The following ADAM22 variants were observed in gnomAD, a reference collection of about 807,000 sequenced individuals.
ADAM22 encodes the protein disintegrin and metalloproteinase domain-containing protein 22.
Under a neutral mutation model 144.6 loss-of-function variants are expected in ADAM22, and 65 were observed. The ratio of observed to expected loss-of-function variants is 0.45; its 90% CI spans 0.37 to 0.55. The LOEUF is 0.55. ADAM22 is among the 20% of genes least tolerant of loss of function. The pLI is 0.00. For missense variants in ADAM22, 974 were observed against 1,184.9 expected (o/e 0.82, Z 2.61); for synonymous variants, 391 against 412.6 (o/e 0.95, Z 0.63).
At chr7:88,044,308 CT>C (rs1803947360) in intron 3 of ADAM22, among the ~76,000 whole-genome samples, 1 of 152,114 alleles carries the variant, frequency 6.6e-6, no homozygotes, top group South Asian at 2.1e-4. Context: ...ATGATGATGT[CT>C]TTAGAGTGCT....
intron 21 of ADAM22, among the ~76,000 whole-genome samples, chr7:88,153,996 T>C (rs1163523761): frequency 6.6e-6 from 1 of 152,212 alleles, no homozygotes; most frequent in East Asian, 1.9e-4. Flanking sequence ...ACATGACTAA[T>C]TAATAGTGAG....
At chr7:88,065,404 T>A (rs2129477603) in intron 3 of ADAM22, among the ~76,000 whole-genome samples, 1 of 152,178 alleles carries the variant, frequency 6.6e-6, no homozygotes, top group South Asian at 2.1e-4. Flanking sequence ...TAACATTGGG[T>A]GATGCTTTTC....
chr7:88,155,851 T>G (rs554489922), intron 21 of ADAM22, 36 bp from the exon 22 acceptor site: 38 of 1,606,168 alleles, frequency 2.4e-5, no homozygotes, highest in Admixed American at 3.4e-5. Flanking sequence ...TGCTATATAT[T>G]TGGGAAAAGA....
intron 2 of ADAM22, among the ~76,000 whole-genome samples, chr7:87,976,691 A>C (rs1310028298): frequency 6.6e-6 from 1 of 152,182 alleles, no homozygotes; most frequent in Non-Finnish European, 1.5e-5. Context: ...GGTCTCAGCA[A>C]AATTAATGAA....
At chr7:88,187,077 G>C (rs147011350) in intron 30 of ADAM22, among the ~76,000 whole-genome samples, 4 of 152,288 alleles carry the variant, frequency 2.6e-5, no homozygotes, top group African/African-American at 9.6e-5. Context: ...GTTTCATAAT[G>C]CATTTTTCCT....
chr7:88,175,994 A>T (rs563957221), intron 26 of ADAM22, among the ~76,000 whole-genome samples: 1 of 152,258 alleles, frequency 6.6e-6, no homozygotes, highest in South Asian at 2.1e-4. Context: ...TTTTTTTGAG[A>T]TGGAGTTTCG....
chr7:88,137,582 A>G (rs943609471), intron 14 of ADAM22, among the ~76,000 whole-genome samples: 7 of 152,048 alleles, frequency 4.6e-5, no homozygotes, highest in Admixed American at 1.3e-4. Flanking sequence ...TTTTTTCTCT[A>G]TCTAACCAGA....
At chr7:88,158,102 C>G (rs1378870809) in intron 22 of ADAM22, among the ~76,000 whole-genome samples, 4 of 151,980 alleles carry the variant, frequency 2.6e-5, no homozygotes, top group African/African-American at 9.7e-5. Context: ...GGGTTGCAAT[C>G]CTAATTTCAG....
At chr7:87,940,155 C>T (rs923178309) in intron 2 of ADAM22, among the ~76,000 whole-genome samples, 3 of 141,208 alleles carry the variant, frequency 2.1e-5, no homozygotes, top group African/African-American at 8.0e-5. Flanking sequence ...GCACTCCAGC[C>T]TGGGCGACAG....
chr7:88,142,162 T>G (rs1834880079), intron 14 of ADAM22, among the ~76,000 whole-genome samples: 1 of 152,190 alleles, frequency 6.6e-6, no homozygotes, highest in Non-Finnish European at 1.5e-5. Flanking sequence ...TACTTTGCAT[T>G]TTCTACAAAG....
chr7:88,092,008 T>C (rs1364466113), intron 4 of ADAM22, among the ~76,000 whole-genome samples: 2 of 152,058 alleles, frequency 1.3e-5, no homozygotes, highest in Non-Finnish European at 2.9e-5. Context: ...TAGTCCTTCT[T>C]TGTTCTTCAT....
Position 88,134,313 on chromosome 7 carries a change from T to C in ADAM22, c.1078-16T>C. ...TTTGGATTTACATATATTTTATTTT[T>C]GTTTTTGTTTTTCAGTTTGGGAAAA... is the stretch of plus-strand genomic sequence containing the variant. On this transcript the variant is annotated splice_polypyrimidine_tract_variant and intron_variant, in intron 12 of 31. Transcript: ENST00000413139. 1.3e-6 allele frequency: 2 copies of C among 1,581,122 alleles called. No individual in the cohort carries two copies. The highest frequency in any genetic ancestry group is 1.7e-6 in the Non-Finnish European group (2 of 1,160,686).
At chr7:88,195,739 G>A (rs1850553945) in intron 31 of ADAM22, among the ~76,000 whole-genome samples, 2 of 151,842 alleles carry the variant, frequency 1.3e-5, no homozygotes, top group Admixed American at 1.3e-4. Flanking sequence ...GGATGGTCTC[G>A]ATCTCCTGAC....
intron 3 of ADAM22, among the ~76,000 whole-genome samples, chr7:88,071,391 ATTTT>A (rs71297113): frequency 1.6e-5 from 2 of 126,050 alleles, no homozygotes; most frequent in South Asian, 2.6e-4. Context: ...TTATGAAGTG[ATTTT>A]TTTTTTTTTT....
At chr7:87,974,037 T>C (rs923625061) in intron 2 of ADAM22, among the ~76,000 whole-genome samples, 10 of 150,798 alleles carry the variant, frequency 6.6e-5, no homozygotes, top group South Asian at 4.2e-4. Flanking sequence ...TGTATACATA[T>C]GTAACAAAGC....
chr7:88,053,586 AGG>A (rs1491422448), intron 3 of ADAM22, among the ~76,000 whole-genome samples: 1 of 125,236 alleles, frequency 8.0e-6, no homozygotes, highest in East Asian at 2.6e-4. Context: ...AAAGGAAGGA[AGG>A]AAGGAAAGAA....
chr7:88,119,045 C>T (rs887265755), intron 7 of ADAM22, among the ~76,000 whole-genome samples: 4 of 152,116 alleles, frequency 2.6e-5, no homozygotes, highest in African/African-American at 4.8e-5. Flanking sequence ...TATTTCCCAG[C>T]GATAGACATA....
At chr7:87,982,068 T>TATATATATATATATACACACACACAC (rs1244517564) in intron 3 of ADAM22, among the ~76,000 whole-genome samples, 3 of 93,742 alleles carry the variant, frequency 3.2e-5, no homozygotes, top group East Asian at 3.8e-4. Flanking sequence ...TATATATATA[T>TATATATATATATATACACACACACAC]ACACACACAC....
intron 16 of ADAM22, 76 bp downstream of exon 16, chr7:88,145,272 G>A: frequency 1.3e-6 from 2 of 1,530,140 alleles, no homozygotes; most frequent in South Asian, 1.2e-5. Context: ...GAGATGTATG[G>A]AGCAAATGTC....
Sources: gnomAD v4.1 joint callset for allele counts (sites outside exome capture counted in the v4.1 genomes callset) on GRCh38, gnomAD v4.1.1 for gene constraint, MANE v1.5 for transcripts, NCBI Gene and HGNC (gene_info 2026-07-23, HGNC 2026-07-21) for gene names.